TOPBP1: variants seen among roughly 807,000 people sequenced by gnomAD.
The protein encoded by TOPBP1 is DNA topoisomerase 2-binding protein 1.
TOPBP1 carries 28 observed loss-of-function variants against 167.7 expected under a neutral mutation model. The ratio of observed to expected loss-of-function variants is 0.17; its 90% CI spans 0.12 to 0.23. The LOEUF (loss-of-function observed/expected upper bound fraction) is 0.23, where lower values mean the gene tolerates loss of function less well. Ranked by LOEUF, TOPBP1 falls within the 10% of genes least tolerant of loss-of-function variation. The pLI is 1.00. For missense variants in TOPBP1, 1,554 were observed against 1,809.6 expected, an observed-to-expected ratio of 0.86 and a Z score of 2.56; for synonymous variants, 598 against 611.4, an observed-to-expected ratio of 0.98 and a Z score of 0.32.
At chr3:133,605,915 G>A (rs1427672887) in intron 27 of TOPBP1, among the ~76,000 whole-genome samples, 1 of 152,154 alleles carries the variant, frequency 6.6e-6, no homozygotes, top group Non-Finnish European at 1.5e-5. Flanking sequence ...AGACTGACAG[G>A]CAAGGCACAG....
intron 19 of TOPBP1, among the ~76,000 whole-genome samples, chr3:133,621,303 G>A (rs895714194): frequency 6.6e-6 from 1 of 152,016 alleles, no homozygotes; most frequent in African/African-American, 2.4e-5. Context: ...GTGAGCCACC[G>A]TGCCCAGACT....
At position 133,628,216 on chromosome 3, in the gene TOPBP1, G is replaced by A. The variant is rs1935331021; in HGVS notation, c.2804+146C>T. On this transcript the variant is annotated intron_variant, in intron 16 of 27. Coordinates refer to ENST00000260810, the MANE Select transcript of TOPBP1 (RefSeq NM_007027.4). ...GTGAGAGGCTATTTTCAACAGATGTGGTAAATTAAAAATCAACTGGAGAGA... is the reference window on the plus strand; with the variant it reads ...GTGAGAGGCTATTTTCAACAGATGTAGTAAATTAAAAATCAACTGGAGAGA... The A allele has an allele frequency of 7.1e-6, 5 of 706,100 alleles. No individual in the cohort carries two copies. The East Asian group carries it at 1.1e-4, about 15-fold the overall frequency. 43.7% of individuals were successfully genotyped at this position (706,100 alleles called of 1,614,324 possible). A position where few individuals can be genotyped will look rare whatever the true frequency, so the allele number is the denominator to read the frequency against.
chr3:133,657,818 T>C lies in TOPBP1; in HGVS notation c.343A>G (p.Ser115Gly). 1 of 1,553,174 alleles carries C rather than the reference T, an allele frequency of 6.4e-7. No homozygotes were observed. The change falls in exon 4 of 28, where the codon AGT becomes GGT. Residue 115 changes from serine to glycine, a missense_variant. By Grantham distance (56) the Ser-to-Gly change is moderately conservative (BLOSUM62 0). Coordinates refer to ENST00000260810, the MANE Select transcript of TOPBP1 (RefSeq NM_007027.4). ...TCTACCCTTTTTTCTTTTTCCAGAC[T>C]TGTACAAGATATGGTTACATCAGAC... ...VMSDVTISCT[S>G]LEKEKREEVH...
intron 23 of TOPBP1, among the ~76,000 whole-genome samples, chr3:133,616,027 TAG>T (rs1479059505): frequency 1.3e-5 from 2 of 152,234 alleles, no homozygotes; most frequent in African/African-American, 4.8e-5. Context: ...ATGCTGCTTC[TAG>T]AATGATGTCA....
intron 19 of TOPBP1, among the ~76,000 whole-genome samples, chr3:133,621,541 C>T (rs912858540): frequency 6.6e-6 from 1 of 152,112 alleles, no homozygotes; most frequent in Non-Finnish European, 1.5e-5. Context: ...TTAAAGTATA[C>T]AGGAGGATGT....
intron 20 of TOPBP1, 65 bp downstream of exon 20, chr3:133,620,090 A>G (rs1415790665): frequency 1.8e-5 from 26 of 1,464,286 alleles, no homozygotes; most frequent in Non-Finnish European, 2.1e-5. Context: ...TTGAGTCAGC[A>G]GCAGGTACGT....
chr3:133,616,697 A>G, intron 23 of TOPBP1, 117 bp downstream of exon 23: 1 of 558,846 alleles, frequency 1.8e-6, no homozygotes, highest in Non-Finnish European at 3.0e-6. Flanking sequence ...TAGACAAGTT[A>G]CCCATGTTCT....
intron 19 of TOPBP1, among the ~76,000 whole-genome samples, chr3:133,622,100 C>T (rs2107785780): frequency 6.6e-6 from 1 of 150,908 alleles, no homozygotes; most frequent in Admixed American, 6.6e-5. Context: ...AAAGAAGCTC[C>T]TAGTTATCTA....
At chr3:133,614,732 A>G (rs937015239) in intron 23 of TOPBP1, among the ~76,000 whole-genome samples, 7 of 151,658 alleles carry the variant, frequency 4.6e-5, no homozygotes, top group African/African-American at 1.7e-4. Flanking sequence ...TCTGACTTAT[A>G]ACCTCACCTA....
Position 133,624,050 on chromosome 3 carries a change from A to G in TOPBP1, c.2928+2T>C. On this transcript the variant is annotated splice_donor_variant, in intron 17 of 27. Transcript: ENST00000260810. LOFTEE classifies it high-confidence loss of function. ...GATGGGGGGGAAAAAAGCACTGCTTACATCTAAAAGCCAGTGCTCGGAAAC... is the reference window on the plus strand; with the variant it reads ...GATGGGGGGGAAAAAAGCACTGCTTGCATCTAAAAGCCAGTGCTCGGAAAC... 6.2e-7 allele frequency: 1 copy of G among 1,611,734 alleles called. No homozygotes were observed. The highest frequency in any genetic ancestry group is 8.5e-7 in the Non-Finnish European group (1 of 1,179,118).
chr3:133,643,741 T>C (rs997790101), intron 11 of TOPBP1, among the ~76,000 whole-genome samples: 7 of 152,052 alleles, frequency 4.6e-5, no homozygotes, highest in Non-Finnish European at 8.8e-5. Flanking sequence ...GCTTTGGTTA[T>C]GAGAAAACAA....
intron 13 of TOPBP1, among the ~76,000 whole-genome samples, chr3:133,639,161 CAT>C (rs1370031456): frequency 4.6e-5 from 7 of 152,188 alleles, no homozygotes; most frequent in Admixed American, 1.3e-4. Context: ...CACATGTACA[CAT>C]ATGTTTATTG....
At chr3:133,614,885 G>A (rs1461830012) in intron 23 of TOPBP1, among the ~76,000 whole-genome samples, 1 of 151,708 alleles carries the variant, frequency 6.6e-6, no homozygotes, top group Non-Finnish European at 1.5e-5. Flanking sequence ...AAAATGACAA[G>A]TTAATGGGAG....
intron 27 of TOPBP1, 43 bp from the exon 28 acceptor site, chr3:133,601,436 C>G: frequency 7.3e-7 from 1 of 1,362,884 alleles, no homozygotes; most frequent in East Asian, 2.7e-5. Flanking sequence ...TGATTTCAAA[C>G]ATTTACGTGA....
At chr3:133,612,711 C>A (rs935384142) in intron 23 of TOPBP1, among the ~76,000 whole-genome samples, 159 bp from the exon 24 acceptor site, 1 of 151,882 alleles carries the variant, frequency 6.6e-6, no homozygotes, top group Non-Finnish European at 1.5e-5. Context: ...ACTTTATATA[C>A]ATATATATAT....
At chr3:133,620,658 C>T (rs1258907944) in intron 19 of TOPBP1, among the ~76,000 whole-genome samples, 1 of 151,494 alleles carries the variant, frequency 6.6e-6, no homozygotes, top group Non-Finnish European at 1.5e-5. Context: ...CTGCAACCTC[C>T]ACCTCCCAGG....
At chr3:133,635,581 T>C (rs148175333) in intron 14 of TOPBP1, among the ~76,000 whole-genome samples, 1 of 152,312 alleles carries the variant, frequency 6.6e-6, no homozygotes, top group East Asian at 1.9e-4. Flanking sequence ...ATTTTGCAAC[T>C]TTTTGTAAGT....
In TOPBP1 at chr3:133,601,172, C is replaced by A; in HGVS notation, c.*78G>T. 3 of 1,317,916 alleles carry A rather than the reference C, an allele frequency of 2.3e-6. No individual in the cohort carries two copies. The highest frequency in any genetic ancestry group is 3.1e-6 in the Non-Finnish European group (3 of 960,700). The allele number at this position is 1,317,916 out of a possible 1,614,324, so 81.6% of individuals were successfully genotyped here. ...TCAGGTACTCATCTTTAAATTACTACCCAAATCTATCACAGTCACATTCAG... is the reference window on the plus strand; with the variant it reads ...TCAGGTACTCATCTTTAAATTACTAACCAAATCTATCACAGTCACATTCAG... On this transcript the variant is annotated 3_prime_UTR_variant, in exon 28 of 28. Transcript: ENST00000260810.
At position 133,608,520 on chromosome 3, in the gene TOPBP1, T is replaced by C. The variant is rs759178371; in HGVS notation, c.4425+15A>G. On this transcript the variant is annotated intron_variant, in intron 27 of 27. Coordinates refer to ENST00000260810, the MANE Select transcript of TOPBP1 (RefSeq NM_007027.4). ...TCTCTGGTAATGAGGAGGTCAAGGA[T>C]AGAATCTCACAAACCTGCATGAGAT... The C allele has an allele frequency of 1.1e-5, 18 of 1,612,674 alleles. No individual in the cohort carries two copies. Among genetic ancestry groups the C allele is most frequent in the Admixed American group, 8.4e-5 (5 of 59,866 alleles).
Sources: allele counts gnomAD v4.1 joint callset (sites outside exome capture counted in the v4.1 genomes callset), GRCh38; gene constraint gnomAD v4.1.1; transcripts MANE v1.5; gene names NCBI Gene and HGNC (gene_info 2026-07-23, HGNC 2026-07-21).